UNC79: variants seen among roughly 807,000 people sequenced by gnomAD.
UNC79 encodes unc-79 subunit of NALCN channel complex.
In UNC79, 37 loss-of-function variants were observed where a neutral mutation model predicts 283.1. The observed-to-expected ratio is 0.13, with a 90% CI of 0.10 to 0.17. The LOEUF is 0.17. Ranked by LOEUF, UNC79 falls within the 10% of genes least tolerant of loss-of-function variation. The probability of loss-of-function intolerance (pLI) is 1.00; values close to 1 mark genes in which losing one functional copy is unlikely to be tolerated. For synonymous variants in UNC79, 1,107 were observed against 1,200.2 expected (o/e 0.92, Z 1.61); for missense variants, 2,272 against 3,211.1 (o/e 0.71, Z 7.07).
chr14:93,564,584 C>G (rs1226836150), intron 14 of UNC79, among the ~76,000 whole-genome samples: 1 of 152,212 alleles, frequency 6.6e-6, no homozygotes, highest in Non-Finnish European at 1.5e-5. Context: ...TCACACGCGT[C>G]CATGTGAAGA....
At chr14:93,665,289 CA>C (rs947189162) in intron 40 of UNC79, among the ~76,000 whole-genome samples, 27 of 147,904 alleles carry the variant, frequency 1.8e-4, no homozygotes, top group African/African-American at 6.6e-4. Context: ...GAAAAACAAT[CA>C]CTGATATAAA....
intron 26 of UNC79, 66 bp downstream of exon 27, chr14:93,605,027 G>GC (rs1351465136): frequency 6.0e-6 from 9 of 1,492,638 alleles, no homozygotes; most frequent in Non-Finnish European, 8.1e-6. Flanking sequence ...GGTAGAGAAT[G>GC]CGGTGTCTCT....
intron 8 of UNC79, among the ~76,000 whole-genome samples, chr14:93,526,095 T>C (rs932782657): frequency 2.0e-5 from 3 of 152,234 alleles, no homozygotes; most frequent in African/African-American, 7.2e-5. Context: ...CACCTCTTTC[T>C]AGTCCCAAGA....
chr14:93,649,779 T>C (rs1273091343), intron 35 of UNC79, among the ~76,000 whole-genome samples: 1 of 152,222 alleles, frequency 6.6e-6, no homozygotes, highest in East Asian at 1.9e-4. Context: ...CGATACATTG[T>C]TGTTAACTAT....
At chr14:93,398,446 A>G (rs1040966794) in intron 1 of UNC79, among the ~76,000 whole-genome samples, 3 of 152,246 alleles carry the variant, frequency 2.0e-5, no homozygotes, top group Admixed American at 1.3e-4. Flanking sequence ...ACAGAAGACT[A>G]TATAGAGGAA....
intron 4 of UNC79, among the ~76,000 whole-genome samples, chr14:93,481,170 T>C (rs895519326): frequency 2.0e-5 from 3 of 152,228 alleles, no homozygotes; most frequent in Non-Finnish European, 4.4e-5. Flanking sequence ...AACTTACTTA[T>C]TGTGAAATTT....
chr14:93,467,697 G>A, exon 2 of UNC79: 1 of 1,213,976 alleles, frequency 8.2e-7, no homozygotes, highest in Non-Finnish European at 1.0e-6. Context: ...GTACTTGCAG[G>A]AATATCATAA....
intron 1 of UNC79, among the ~76,000 whole-genome samples, chr14:93,368,504 G>A (rs2054378174): frequency 6.6e-6 from 1 of 151,974 alleles, no homozygotes. Context: ...ACATAGTCTT[G>A]TTCTGTCGTC....
chr14:93,340,181 G>A (rs12885345), intron 1 of UNC79, among the ~76,000 whole-genome samples: 23,803 of 152,100 alleles, frequency 0.16, 2,057 homozygotes, highest in East Asian at 0.31. Context: ...GGTGGCTCAT[G>A]CCTGTAATCC....
At chr14:93,653,520 A>G in intron 35 of UNC79, among the ~76,000 whole-genome samples, 1 of 151,776 alleles carries the variant, frequency 6.6e-6, no homozygotes, top group East Asian at 1.9e-4. Context: ...TGGGACCTGG[A>G]ATACGTCTGA....
rs561490559 is a variant in UNC79, at chr14:93,500,076, C to A, written c.898+2790C>A. ...ATCCTAACAGCAAAGGGACGCCAGGCACAGGCTTTAGATGGAGAAGCCACT... is the reference window on the plus strand; with the variant it reads ...ATCCTAACAGCAAAGGGACGCCAGGAACAGGCTTTAGATGGAGAAGCCACT... On this transcript the variant is annotated intron_variant, in intron 7 of 48. Coordinates refer to ENST00000555664, the Ensembl canonical transcript of UNC79. Among the ~76,000 whole-genome samples the A allele has an allele frequency of 3.3e-5, 5 of 152,208 alleles. No individual in the cohort carries two copies. In the East Asian group the frequency reaches 9.7e-4, roughly 29 times the overall value.
At chr14:93,456,631 G>A (rs2056803740) in intron 1 of UNC79, among the ~76,000 whole-genome samples, 2 of 152,182 alleles carry the variant, frequency 1.3e-5, no homozygotes, top group Non-Finnish European at 2.9e-5. Flanking sequence ...TCTTAGGGAT[G>A]TTCCTCTATG....
chr14:93,561,727 A>G (rs2062567084), intron 14 of UNC79, among the ~76,000 whole-genome samples: 1 of 152,184 alleles, frequency 6.6e-6, no homozygotes, highest in African/African-American at 2.4e-5. Context: ...GTGCCCTGCC[A>G]GCAAAGATCA....
chr14:93,636,285 T>G (rs2068502230), intron 31 of UNC79, among the ~76,000 whole-genome samples: 2 of 152,262 alleles, frequency 1.3e-5, no homozygotes. Context: ...TGTCTGAATT[T>G]CTTTCCCGAG....
At chr14:93,515,762 T>C (rs2060024618) in intron 7 of UNC79, among the ~76,000 whole-genome samples, 1 of 152,192 alleles carries the variant, frequency 6.6e-6, no homozygotes. Flanking sequence ...CTTATTATAT[T>C]GTATGTTCAA....
intron 42 of UNC79, 51 bp downstream of exon 45, chr14:93,682,745 T>C (rs778717408): frequency 8.3e-6 from 13 of 1,561,516 alleles, no homozygotes; most frequent in Non-Finnish European, 1.1e-5. Flanking sequence ...CATAGAATAG[T>C]AGTTAAGAAT....
chr14:93,628,770 T>C (rs912453079), intron 30 of UNC79, among the ~76,000 whole-genome samples: 1 of 152,248 alleles, frequency 6.6e-6, no homozygotes, highest in Admixed American at 6.5e-5. Context: ...TTTATGCAAG[T>C]AAAATCTTTC....
At chr14:93,561,502 G>C (rs769402055) in intron 14 of UNC79, among the ~76,000 whole-genome samples, 2 of 152,000 alleles carry the variant, frequency 1.3e-5, no homozygotes, top group African/African-American at 4.8e-5. Flanking sequence ...TATATAAGAC[G>C]GGGGCAGCTG....
At chr14:93,667,651 A>G (rs1345825217) in intron 40 of UNC79, among the ~76,000 whole-genome samples, 1 of 152,178 alleles carries the variant, frequency 6.6e-6, no homozygotes, top group Non-Finnish European at 1.5e-5. Context: ...AACTAATAGA[A>G]TAGAAAAAAA....
Sources: gnomAD v4.1 joint callset for allele counts (sites outside exome capture counted in the v4.1 genomes callset) on GRCh38, gnomAD v4.1.1 for gene constraint, MANE v1.5 for transcripts, NCBI Gene and HGNC (gene_info 2026-07-23, HGNC 2026-07-21) for gene names.